Variants in LRP1B observed in about 807,000 individuals in gnomAD.
The protein encoded by LRP1B is LDL receptor related protein 1B, also known as low-density lipoprotein receptor-related protein 1B.
LRP1B carries 217 observed loss-of-function variants against 556.6 expected under a neutral mutation model. The ratio of observed to expected loss-of-function variants is 0.39; its 90% CI spans 0.35 to 0.44. The LOEUF is 0.44. LRP1B is among the 20% of genes least tolerant of loss of function. LRP1B has a pLI of 1.00. For missense variants in LRP1B, 5,053 were observed against 5,620.8 expected (o/e 0.90, Z 3.23); for synonymous variants, 2,047 against 1,865.8 (o/e 1.10, Z -2.50).
intron 2 of LRP1B, among the ~76,000 whole-genome samples, chr2:141,555,663 G>C (rs1234454981): frequency 6.6e-6 from 1 of 151,860 alleles, no homozygotes; most frequent in Non-Finnish European, 1.5e-5. Context: ...TTGAAAAATT[G>C]CCTTCATGCT....
At chr2:141,811,675 T>C (rs1696363905) in intron 1 of LRP1B, among the ~76,000 whole-genome samples, 1 of 152,162 alleles carries the variant, frequency 6.6e-6, no homozygotes, top group Non-Finnish European at 1.5e-5. Context: ...TTTATCCTAT[T>C]ATATTTTTAT....
intron 32 of LRP1B, among the ~76,000 whole-genome samples, chr2:140,787,957 T>A (rs1573718929): frequency 6.6e-6 from 1 of 152,190 alleles, no homozygotes; most frequent in East Asian, 1.9e-4. Flanking sequence ...ACCAGGCACA[T>A]GGGTGATTTT....
intron 57 of LRP1B, among the ~76,000 whole-genome samples, chr2:140,489,161 A>G (rs1326235822): frequency 6.6e-6 from 1 of 152,036 alleles, no homozygotes; most frequent in African/African-American, 2.4e-5. Context: ...CAGCAGGGCT[A>G]AATTTTAGTA....
intron 41 of LRP1B, among the ~76,000 whole-genome samples, chr2:140,616,284 T>G (rs1683253734): frequency 6.6e-6 from 1 of 152,054 alleles, no homozygotes; most frequent in Admixed American, 6.6e-5. Context: ...AGGACAGAAT[T>G]ACTAAAGAAT....
intron 1 of LRP1B, among the ~76,000 whole-genome samples, chr2:141,925,723 C>T (rs1335114090): frequency 6.6e-6 from 1 of 152,124 alleles, no homozygotes; most frequent in Non-Finnish European, 1.5e-5. Flanking sequence ...TCAACTCATG[C>T]TGCTAATATA....
chr2:140,831,562 T>C (rs1691717493), intron 31 of LRP1B, among the ~76,000 whole-genome samples: 4 of 152,126 alleles, frequency 2.6e-5, no homozygotes, highest in Admixed American at 2.6e-4. Context: ...GTAAAACTAT[T>C]AAACTACTGA....
rs183348450 is a variant in LRP1B, at chr2:141,952,787, C to T, written c.83-142386G>A. 3.0e-3 allele frequency among the ~76,000 whole-genome samples: 462 copies of T among 152,170 alleles called. 6 individuals are homozygous for T. Among genetic ancestry groups the T allele is most frequent in the African/African-American group, 0.01 (436 of 41,536 alleles). On this transcript the variant is annotated intron_variant, in intron 1 of 90. Coordinates refer to ENST00000389484, the MANE Select transcript of LRP1B (RefSeq NM_018557.3). ...CACATTTTCTTTCAAATTATCTTTA[C>T]GTTGGGTCAGTATCTGGCTTACTGT... is the stretch of plus-strand genomic sequence containing the variant.
chr2:140,379,215 A>G (rs181196904), intron 67 of LRP1B, among the ~76,000 whole-genome samples: 1 of 152,258 alleles, frequency 6.6e-6, no homozygotes, highest in East Asian at 1.9e-4. Flanking sequence ...TAATATTCTT[A>G]CTGGGTCAAG....
intron 11 of LRP1B, among the ~76,000 whole-genome samples, chr2:141,031,251 T>TCACACACACA (rs72098612): frequency 0.024 from 2,943 of 121,362 alleles, 28 homozygotes; most frequent in Admixed American, 0.049. Flanking sequence ...TATATACATA[T>TCACACACACA]CACACACACA....
At chr2:140,726,414 T>C (rs1031390424) in intron 35 of LRP1B, among the ~76,000 whole-genome samples, 7 of 152,208 alleles carry the variant, frequency 4.6e-5, no homozygotes, top group Non-Finnish European at 1.0e-4. Context: ...CTGTTCAATC[T>C]ATGCATGAAT....
At chr2:140,832,190 C>T (rs946809226) in intron 31 of LRP1B, among the ~76,000 whole-genome samples, 2 of 151,982 alleles carry the variant, frequency 1.3e-5, no homozygotes, top group African/African-American at 4.8e-5. Flanking sequence ...TCACAGGATG[C>T]AAAACCCACA....
intron 41 of LRP1B, among the ~76,000 whole-genome samples, chr2:140,656,361 T>C (rs1290620706): frequency 6.6e-6 from 1 of 152,208 alleles, no homozygotes. Flanking sequence ...ACACTGTCTT[T>C]ACAATTTTCA....
chr2:141,758,288 T>C (rs1255784662), intron 2 of LRP1B, among the ~76,000 whole-genome samples: 1 of 152,226 alleles, frequency 6.6e-6, no homozygotes, highest in Non-Finnish European at 1.5e-5. Flanking sequence ...TCCAATTTAT[T>C]AATTCATGCT....
intron 1 of LRP1B, among the ~76,000 whole-genome samples, chr2:141,868,691 C>T (rs74784897): frequency 0.021 from 3,236 of 152,114 alleles, 91 homozygotes; most frequent in South Asian, 0.063. Flanking sequence ...ATTTGTTAAG[C>T]CTAGCAAATT....
At chr2:141,570,092 C>T (rs74983010) in intron 2 of LRP1B, among the ~76,000 whole-genome samples, 41,405 of 150,324 alleles carry the variant, frequency 0.28, 7,232 homozygotes, top group East Asian at 0.48. Context: ...GGGGTGGGGC[C>T]GAGATGACTG....
intron 43 of LRP1B, among the ~76,000 whole-genome samples, chr2:140,561,523 T>C (rs140682146): frequency 6.6e-6 from 1 of 152,314 alleles, no homozygotes; most frequent in African/African-American, 2.4e-5. Flanking sequence ...TGCTTTTCTC[T>C]TGTTAGCCTA....
chr2:140,383,094 A>G (rs1683599791), intron 67 of LRP1B, among the ~76,000 whole-genome samples: 1 of 152,220 alleles, frequency 6.6e-6, no homozygotes, highest in East Asian at 1.9e-4. Flanking sequence ...GCCTAGCGAC[A>G]AATTTCTCAA....
intron 2 of LRP1B, among the ~76,000 whole-genome samples, chr2:141,633,194 G>A (rs1027383233): frequency 2.0e-5 from 3 of 152,078 alleles, no homozygotes; most frequent in Non-Finnish European, 4.4e-5. Flanking sequence ...ATAACTCAAA[G>A]GAGAAAGCTT....
chr2:142,079,655 A>G (rs113758277), intron 1 of LRP1B, among the ~76,000 whole-genome samples: 1 of 152,064 alleles, frequency 6.6e-6, no homozygotes, highest in Non-Finnish European at 1.5e-5. Flanking sequence ...GATTACAGGC[A>G]TGCACCAACA....
Sources: gnomAD v4.1 joint callset for allele counts (sites outside exome capture counted in the v4.1 genomes callset) on GRCh38, gnomAD v4.1.1 for gene constraint, MANE v1.5 for transcripts, NCBI Gene and HGNC (gene_info 2026-07-23, HGNC 2026-07-21) for gene names.